The following NAA30 variants were observed in gnomAD, a reference collection of about 807,000 sequenced individuals.
The protein encoded by NAA30 is N-alpha-acetyltransferase 30.
Under a neutral mutation model 31.4 loss-of-function variants are expected in NAA30, and 5 were observed. That is an observed-to-expected ratio of 0.16 (90% CI 0.08 to 0.33). NAA30 has a LOEUF of 0.33. Among genes scored for constraint, NAA30 ranks in the 10% least tolerant of loss-of-function variants. The pLI is 1.00. For synonymous variants in NAA30, 222 were observed against 207.1 expected (o/e 1.07, Z -0.62); for missense variants, 428 against 490.8 (o/e 0.87, Z 1.21).
chr14:57,402,361 G>A (rs1393025036), intron 4 of NAA30, among the ~76,000 whole-genome samples: 2 of 152,136 alleles, frequency 1.3e-5, no homozygotes, highest in East Asian at 3.9e-4. Flanking sequence ...TCTCTTGTTT[G>A]TTGCTGTATT....
rs537045829 is a variant in NAA30, at chr14:57,415,517, T to C, written c.*6001T>C. On this transcript the variant is annotated 3_prime_UTR_variant, in exon 5 of 5. Transcript: ENST00000556492. The stretch of plus-strand genomic sequence containing the variant: ...AGGGAAAGCTAGTTGTAATAATTTG[T>C]AAAAATGCGTGTATTTTTAGGAATG... 2.0e-5 allele frequency: 3 copies of C among 152,304 alleles called. No homozygotes were observed. The South Asian group carries it at 6.2e-4, about 32-fold the overall frequency. 9.4% of individuals were successfully genotyped at this position (152,304 alleles called of 1,614,324 possible).
chr14:57,408,431 G>C (rs960413222), intron 4 of NAA30, among the ~76,000 whole-genome samples: 2 of 152,222 alleles, frequency 1.3e-5, no homozygotes, highest in Admixed American at 6.5e-5. Context: ...CACTGGCTCA[G>C]TAATATTTCA....
At chr14:57,396,408 C>T (rs1015158452) in intron 2 of NAA30, among the ~76,000 whole-genome samples, 1 of 59,050 alleles carries the variant, frequency 1.7e-5, no homozygotes, top group Admixed American at 3.1e-4. Context: ...CCTTCCAGAA[C>T]CTTAGGTCTT....
chr14:57,394,034 T>C (rs1479555398), intron 2 of NAA30, among the ~76,000 whole-genome samples: 1 of 151,888 alleles, frequency 6.6e-6, no homozygotes, highest in Non-Finnish European at 1.5e-5. Flanking sequence ...TATATGGGGT[T>C]GAACCTTACA....
intron 4 of NAA30, among the ~76,000 whole-genome samples, chr14:57,403,772 A>C (rs977116363): frequency 3.1e-4 from 47 of 152,220 alleles, no homozygotes; most frequent in Admixed American, 2.6e-3. Context: ...TAAGATAAAT[A>C]CATATAGAAT....
intron 1 of NAA30, 97 bp from the exon 2 acceptor site, chr14:57,390,860 T>A (rs2066423348): frequency 1.6e-6 from 2 of 1,255,798 alleles, no homozygotes; most frequent in Non-Finnish European, 2.1e-6. Flanking sequence ...CTGCCTTTGT[T>A]CCCCCCACCT....
In NAA30 at chr14:57,399,858, C is replaced by T; in HGVS notation, c.926C>T (p.Ala309Val). Residue 309 changes from alanine (A) to valine (V), a missense_variant, in exon 4 of 5, where the codon GCC (alanine) becomes GTC (valine). Physicochemically the swap from Ala to Val is moderately conservative, Grantham distance 64. Coordinates refer to ENST00000556492, the MANE Select transcript of NAA30 (RefSeq NM_001011713.3). ...AACTTGGTTAAGAAAGCTATATATG[C>T]CATGGTTGAGGGAGACTGTGATGAG... ...GTNLVKKAIY[A>V]MVEGDCDEVV... is the part of the protein sequence containing the mutation. 1 of 1,544,496 alleles carries T rather than the reference C, an allele frequency of 6.5e-7. No individual in the cohort carries two copies. The highest frequency in any genetic ancestry group is 8.9e-7 in the Non-Finnish European group (1 of 1,119,582).
intron 4 of NAA30, among the ~76,000 whole-genome samples, chr14:57,403,559 A>G (rs74053303): frequency 0.04 from 6,030 of 152,256 alleles, 393 homozygotes; most frequent in African/African-American, 0.14. Context: ...AAATTTTTTC[A>G]TTTTCTATGT....
At chr14:57,407,715 C>A (rs190361089) in intron 4 of NAA30, among the ~76,000 whole-genome samples, 13 of 152,270 alleles carry the variant, frequency 8.5e-5, no homozygotes, top group Non-Finnish European at 1.8e-4. Flanking sequence ...TGTGGACTTT[C>A]TCTTGAGGAC....
At chr14:57,392,459 A>T (rs1422663841) in intron 2 of NAA30, among the ~76,000 whole-genome samples, 2 of 152,162 alleles carry the variant, frequency 1.3e-5, no homozygotes, top group East Asian at 3.8e-4. Flanking sequence ...GCCAAACACT[A>T]GTAACACTGG....
chr14:57,406,176 T>G (rs759392212), intron 4 of NAA30, among the ~76,000 whole-genome samples: 24 of 152,222 alleles, frequency 1.6e-4, no homozygotes, highest in Non-Finnish European at 2.8e-4. Context: ...TTTGACTAGA[T>G]TAGACATTGG....
chr14:57,404,906 T>A (rs2066492246), intron 4 of NAA30, among the ~76,000 whole-genome samples: 1 of 152,164 alleles, frequency 6.6e-6, no homozygotes, highest in Non-Finnish European at 1.5e-5. Context: ...AGGATGAGAT[T>A]TGGGTGGAGA....
At chr14:57,396,477 G>A (rs1201485716) in intron 2 of NAA30, among the ~76,000 whole-genome samples, 1 of 151,816 alleles carries the variant, frequency 6.6e-6, no homozygotes, top group East Asian at 1.9e-4. Context: ...GTACTTGAAT[G>A]TTTACCTTGT....
At position 57,390,673 on chromosome 14, in the gene NAA30, A is replaced by G; in HGVS notation, c.-34A>G. ...GCGGCGGCGGTGGCGGAGGAAGAGG[A>G]GTGGCGGCAGCGGCGGCGGGGACCC... On this transcript the variant is annotated 5_prime_UTR_variant, in exon 1 of 5. Coordinates refer to ENST00000556492, the MANE Select transcript of NAA30 (RefSeq NM_001011713.3). The G allele has an allele frequency of 2.6e-6, 1 of 378,826 alleles. No homozygotes were observed. The highest frequency in any genetic ancestry group is 1.1e-4 in the South Asian group (1 of 9,336). 23.5% of individuals were successfully genotyped at this position (378,826 alleles called of 1,614,324 possible). A position where few individuals can be genotyped will look rare whatever the true frequency, so the allele number is the denominator to read the frequency against.
intron 3 of NAA30, among the ~76,000 whole-genome samples, chr14:57,398,782 TCCA>T (rs2066461721): frequency 6.6e-6 from 1 of 151,950 alleles, no homozygotes; most frequent in Non-Finnish European, 1.5e-5. Flanking sequence ...ACAGGCACCC[TCCA>T]CCTGTAATGC....
intron 4 of NAA30, among the ~76,000 whole-genome samples, chr14:57,404,637 A>G (rs567341214): frequency 6.6e-6 from 1 of 152,288 alleles, no homozygotes; most frequent in Non-Finnish European, 1.5e-5. Context: ...GCAGTTTACA[A>G]AAGAAAGAGT....
rs187121051 is a variant in NAA30 at position 57,407,047 on chromosome 14, C to T, written c.952-2332C>T. Among the ~76,000 whole-genome samples the T allele has an allele frequency of 3.4e-3, 517 of 152,216 alleles. 3 individuals carry two copies. The highest frequency in any genetic ancestry group is 0.012 in the African/African-American group (495 of 41,542). ...TAGCTGAGACTATAGGCACACACCA[C>T]CACACCTGGCTAATTTTTAAGGTTT... On this transcript the variant is annotated intron_variant, in intron 4 of 4. Coordinates refer to ENST00000556492, the MANE Select transcript of NAA30 (RefSeq NM_001011713.3).
At chr14:57,400,089 G>A (rs1160857584) in intron 4 of NAA30, among the ~76,000 whole-genome samples, 2 of 152,188 alleles carry the variant, frequency 1.3e-5, no homozygotes, top group Non-Finnish European at 2.9e-5. Context: ...TCTTCAAAAT[G>A]TGTGGGGGGA....
intron 3 of NAA30, 96 bp downstream of exon 3, chr14:57,396,971 G>C (rs999952466): frequency 8.3e-7 from 1 of 1,198,968 alleles, no homozygotes; most frequent in Non-Finnish European, 1.1e-6. Flanking sequence ...ATGTAGAAAT[G>C]AAAGAAACTA....
Sources: gnomAD v4.1 joint callset for allele counts (sites outside exome capture counted in the v4.1 genomes callset) on GRCh38, gnomAD v4.1.1 for gene constraint, MANE v1.5 for transcripts, NCBI Gene and HGNC (gene_info 2026-07-23, HGNC 2026-07-21) for gene names.